OR2L13: variants seen among roughly 807,000 people sequenced by gnomAD.
OR2L13 encodes the protein olfactory receptor family 2 subfamily L member 13.
OR2L13 carries 14 observed loss-of-function variants against 15.3 expected under a neutral mutation model. The observed-to-expected ratio is 0.91, with a 90% CI of 0.60 to 1.43. The LOEUF is 1.43. Ranked by LOEUF, OR2L13 falls within the 40% of genes most tolerant of loss-of-function variation. OR2L13 has a pLI of 0.00. For missense variants in OR2L13, 367 were observed against 387.9 expected (o/e 0.95, Z 0.45); for synonymous variants, 152 against 142.9 (o/e 1.06, Z -0.45).
At chr1:247,995,774 G>T in the OR2L13 span, among the ~76,000 whole-genome samples, 2 of 152,018 alleles carry the variant, frequency 1.3e-5, no homozygotes, top group African/African-American at 4.8e-5. Context: ...TGCCCAGGCT[G>T]GTCCTTGTCA....
chr1:247,943,029 C>G, the OR2L13 span, among the ~76,000 whole-genome samples: 1 of 152,084 alleles, frequency 6.6e-6, no homozygotes. Flanking sequence ...CGAGGTTCAT[C>G]CATGTTGTAG....
chr1:248,012,945 T>G, the OR2L13 span, among the ~76,000 whole-genome samples: 8 of 151,892 alleles, frequency 5.3e-5, no homozygotes, highest in African/African-American at 1.4e-4. Flanking sequence ...GGTACTCTTT[T>G]GCATAAAAAT....
the OR2L13 span, among the ~76,000 whole-genome samples, chr1:248,049,205 C>T: frequency 6.6e-6 from 1 of 152,058 alleles, no homozygotes; most frequent in African/African-American, 2.4e-5. Context: ...GTTTTTCTTC[C>T]TTGTGATAAT....
chr1:248,058,743 T>C, the OR2L13 span, among the ~76,000 whole-genome samples: 2 of 151,996 alleles, frequency 1.3e-5, no homozygotes, highest in Non-Finnish European at 2.9e-5. Flanking sequence ...AGAAAATTTT[T>C]AAAGAATATT....
the OR2L13 span, chr1:248,022,568 G>T: frequency 1.2e-6 from 2 of 1,614,136 alleles, no homozygotes; most frequent in African/African-American, 1.3e-5. Context: ...TCTTTCTTGT[G>T]TTTCCCTTCA....
chr1:248,016,831 G>T, the OR2L13 span, among the ~76,000 whole-genome samples: 1 of 152,010 alleles, frequency 6.6e-6, no homozygotes, highest in African/African-American at 2.4e-5. Flanking sequence ...GTGTGTTTGT[G>T]TGTGATGTAG....
At chr1:248,027,290 G>A in the OR2L13 span, among the ~76,000 whole-genome samples, 2 of 152,178 alleles carry the variant, frequency 1.3e-5, no homozygotes, top group Admixed American at 6.5e-5. Context: ...CTCAAACCCT[G>A]TCTCCTGAGA....
At chr1:248,044,424 T>G in the OR2L13 span, among the ~76,000 whole-genome samples, 2 of 152,158 alleles carry the variant, frequency 1.3e-5, no homozygotes, top group Non-Finnish European at 2.9e-5. Context: ...AGCGTCTTCA[T>G]CTCCCTGTCT....
chr1:247,957,894 C>T, the OR2L13 span, among the ~76,000 whole-genome samples: 724 of 152,226 alleles, frequency 4.8e-3, 4 homozygotes, highest in African/African-American at 0.016. Flanking sequence ...AAAAAACCAG[C>T]TCCTGGATTC....
At chr1:248,073,662 A>C in the OR2L13 span, among the ~76,000 whole-genome samples, 1 of 151,164 alleles carries the variant, frequency 6.6e-6, no homozygotes, top group Non-Finnish European at 1.5e-5. Context: ...AAAATAAAAA[A>C]TAAAAATAAA....
chr1:248,074,171 G>A, the OR2L13 span, among the ~76,000 whole-genome samples: 1 of 151,956 alleles, frequency 6.6e-6, no homozygotes, highest in African/African-American at 2.4e-5. Flanking sequence ...CAGATATAAA[G>A]ATACTTTTCT....
At chr1:248,082,625 A>G in the OR2L13 span, among the ~76,000 whole-genome samples, 2 of 152,218 alleles carry the variant, frequency 1.3e-5, no homozygotes, top group Non-Finnish European at 2.9e-5. Flanking sequence ...TTTGATAACC[A>G]CAGCTTTCTG....
the OR2L13 span, among the ~76,000 whole-genome samples, chr1:247,960,670 C>A: frequency 6.6e-6 from 1 of 152,180 alleles, no homozygotes; most frequent in Non-Finnish European, 1.5e-5. Context: ...CTCGCTGCCA[C>A]CTTGCAGTTG....
At chr1:247,986,312 C>T in the OR2L13 span, among the ~76,000 whole-genome samples, 364 of 152,198 alleles carry the variant, frequency 2.4e-3, no homozygotes, top group African/African-American at 8.4e-3. Context: ...AGGGATCCAG[C>T]TTCAGCTTTC....
the OR2L13 span, among the ~76,000 whole-genome samples, chr1:248,078,949 C>A: frequency 6.6e-6 from 1 of 152,014 alleles, no homozygotes; most frequent in Non-Finnish European, 1.5e-5. Context: ...TAGCACAGAT[C>A]ATTGGTCTCC....
the OR2L13 span, among the ~76,000 whole-genome samples, chr1:247,995,049 A>C: frequency 6.6e-6 from 1 of 152,170 alleles, no homozygotes; most frequent in South Asian, 2.1e-4. Context: ...TCTTCATGTT[A>C]AATTGAATGC....
the OR2L13 span, among the ~76,000 whole-genome samples, chr1:248,012,702 A>G: frequency 6.6e-6 from 1 of 152,148 alleles, no homozygotes; most frequent in Non-Finnish European, 1.5e-5. Flanking sequence ...TGCTAGTAAT[A>G]TACACTACCT....
the OR2L13 span, among the ~76,000 whole-genome samples, chr1:248,066,672 A>G: frequency 6.6e-6 from 1 of 152,222 alleles, no homozygotes; most frequent in Non-Finnish European, 1.5e-5. Flanking sequence ...ATTTTAAAAT[A>G]CATTTGTCTT....
At chr1:248,061,718 A>G in the OR2L13 span, 1 of 1,135,574 alleles carries the variant, frequency 8.8e-7, no homozygotes, top group Non-Finnish European at 1.2e-6. Flanking sequence ...TCAGGAGCTA[A>G]AAGTAATCAA....
Sources: gnomAD v4.1 joint callset for allele counts (sites outside exome capture counted in the v4.1 genomes callset) on GRCh38, gnomAD v4.1.1 for gene constraint, MANE v1.5 for transcripts, NCBI Gene and HGNC (gene_info 2026-07-23, HGNC 2026-07-21) for gene names.